The following SGCD variants were observed in gnomAD, a reference collection of about 807,000 sequenced individuals.
SGCD encodes sarcoglycan delta, also known as delta-sarcoglycan.
A neutral mutation model predicts 36.6 loss-of-function variants in SGCD; 18 were observed. The observed-to-expected ratio is 0.49, with a 90% CI of 0.34 to 0.73. The LOEUF (loss-of-function observed/expected upper bound fraction) is 0.73. SGCD is among the 30% of genes least tolerant of loss of function. The pLI is 0.01. For synonymous variants in SGCD, 133 were observed against 130.6 expected (o/e 1.02, Z -0.12); for missense variants, 387 against 346.7 (o/e 1.12, Z -0.92).
intron 6 of SGCD, among the ~76,000 whole-genome samples, chr5:156,634,288 G>A (rs978094322): frequency 6.6e-6 from 1 of 152,154 alleles, no homozygotes; most frequent in African/African-American, 2.4e-5. Context: ...GTGAGCACCA[G>A]GAAGAAAAGC....
At chr5:156,177,144 G>C (rs565169885) in intron 3 of SGCD, among the ~76,000 whole-genome samples, 83 of 152,108 alleles carry the variant, frequency 5.5e-4, no homozygotes, top group African/African-American at 1.9e-3. Flanking sequence ...TGGGACTACA[G>C]GTACACGCCA....
the SGCD span, among the ~76,000 whole-genome samples, chr5:155,785,031 C>T: frequency 6.6e-5 from 10 of 152,072 alleles, no homozygotes; most frequent in Non-Finnish European, 1.5e-4. Flanking sequence ...CTATATCCAT[C>T]TCTGGGCACA....
intron 6 of SGCD, among the ~76,000 whole-genome samples, chr5:156,601,600 G>A (rs1260625198): frequency 2.6e-5 from 4 of 152,022 alleles, no homozygotes; most frequent in Admixed American, 2.6e-4. Context: ...CAATTGTTTT[G>A]GCTATTTGGA....
intron 7 of SGCD, among the ~76,000 whole-genome samples, chr5:156,690,418 AGT>A (rs949970327): frequency 1.4e-4 from 21 of 152,182 alleles, no homozygotes; most frequent in Non-Finnish European, 2.6e-4. Context: ...TTTGGGGAAA[AGT>A]GAGCACTCAA....
chr5:156,749,152 T>A (rs1000868635), intron 7 of SGCD, among the ~76,000 whole-genome samples: 5 of 152,254 alleles, frequency 3.3e-5, no homozygotes, highest in Admixed American at 6.5e-5. Flanking sequence ...GTTCAAAATT[T>A]AAAAATACTA....
In SGCD at chr5:156,051,349, A is replaced by G. The variant is rs545414000; in HGVS notation, c.-281-66529A>G. 6.1e-4 allele frequency among the ~76,000 whole-genome samples: 90 copies of G among 146,390 alleles called. 6 individuals carry two copies. Among genetic ancestry groups the G allele is most frequent in the African/African-American group, 2.1e-3 (87 of 40,802 alleles). ...TTCTTCCATGAATTACTTAAGATTC[A>G]TAAGTACCCTGGTTAATAGTCCAGT... On this transcript the variant is annotated intron_variant, in intron 1 of 9. Coordinates refer to the SGCD transcript ENST00000517913.
chr5:156,745,579 C>T (rs1158802342), intron 7 of SGCD, among the ~76,000 whole-genome samples: 1 of 152,072 alleles, frequency 6.6e-6, no homozygotes, highest in African/African-American at 2.4e-5. Flanking sequence ...GCACCATGAG[C>T]AAGAGAGCAG....
intron 3 of SGCD, among the ~76,000 whole-genome samples, chr5:156,252,530 A>G (rs1256791974): frequency 2.6e-5 from 4 of 152,154 alleles, no homozygotes; most frequent in Non-Finnish European, 2.9e-5. Flanking sequence ...AGAGATTCTG[A>G]GACTAAATTA....
chr5:156,680,787 C>T (rs1437719334), intron 7 of SGCD, among the ~76,000 whole-genome samples: 1 of 152,140 alleles, frequency 6.6e-6, no homozygotes, highest in African/African-American at 2.4e-5. Context: ...AGCACTTCAG[C>T]AGGGAGAGGT....
intron 3 of SGCD, among the ~76,000 whole-genome samples, chr5:156,171,020 C>T (rs576484991): frequency 6.6e-6 from 1 of 152,276 alleles, no homozygotes; most frequent in South Asian, 2.1e-4. Flanking sequence ...AAATGAGTAG[C>T]CTGACTTAGG....
intron 1 of SGCD, among the ~76,000 whole-genome samples, chr5:155,984,341 C>G (rs1758287663): frequency 6.6e-6 from 1 of 152,022 alleles, no homozygotes; most frequent in Admixed American, 6.6e-5. Context: ...GGGGTTTTTC[C>G]TAAATCTGTT....
chr5:155,754,458 C>T, the SGCD span, among the ~76,000 whole-genome samples: 1 of 152,184 alleles, frequency 6.6e-6, no homozygotes, highest in Non-Finnish European at 1.5e-5. Context: ...AGAGTCATGA[C>T]ACACAGGCAC....
At chr5:155,775,514 C>T in the SGCD span, among the ~76,000 whole-genome samples, 2 of 152,236 alleles carry the variant, frequency 1.3e-5, no homozygotes, top group East Asian at 1.9e-4. Flanking sequence ...CTTTTTCCAA[C>T]TCTATTATGC....
At chr5:156,264,917 A>G (rs1212086995) in intron 3 of SGCD, among the ~76,000 whole-genome samples, 1 of 152,110 alleles carries the variant, frequency 6.6e-6, no homozygotes, top group Non-Finnish European at 1.5e-5. Context: ...TTCATTCCAA[A>G]CTCTGCAGCT....
the SGCD span, among the ~76,000 whole-genome samples, chr5:155,840,669 A>G: frequency 6.6e-6 from 1 of 151,738 alleles, no homozygotes; most frequent in Non-Finnish European, 1.5e-5. Flanking sequence ...TCTAGAATCT[A>G]GAATTTTCCA....
At chr5:156,658,656 C>A (rs531157038) in intron 7 of SGCD, among the ~76,000 whole-genome samples, 2 of 76,820 alleles carry the variant, frequency 2.6e-5, no homozygotes, top group South Asian at 5.2e-4. Context: ...AATTTGATCT[C>A]TCTTGCTTTT....
intron 1 of SGCD, among the ~76,000 whole-genome samples, chr5:156,102,940 C>T (rs984539155): frequency 3.9e-5 from 6 of 152,050 alleles, no homozygotes; most frequent in Non-Finnish European, 7.4e-5. Context: ...AAAATTTATC[C>T]TTCAAAAGAG....
At chr5:156,685,075 A>C (rs1418900988) in intron 7 of SGCD, among the ~76,000 whole-genome samples, 1 of 152,174 alleles carries the variant, frequency 6.6e-6, no homozygotes, top group African/African-American at 2.4e-5. Flanking sequence ...ATGGGAAAGA[A>C]ACGTTTCTCA....
At chr5:156,525,678 C>T (rs1384406203) in intron 4 of SGCD, among the ~76,000 whole-genome samples, 1 of 151,890 alleles carries the variant, frequency 6.6e-6, no homozygotes, top group Non-Finnish European at 1.5e-5. Context: ...AGAGCTTTGC[C>T]CCTATGTTTT....
Sources: allele counts gnomAD v4.1 joint callset (sites outside exome capture counted in the v4.1 genomes callset), GRCh38; gene constraint gnomAD v4.1.1; transcripts MANE v1.5; gene names NCBI Gene and HGNC (gene_info 2026-07-23, HGNC 2026-07-21).